DRC3: variants seen among roughly 807,000 people sequenced by gnomAD.
DRC3 encodes the protein leucine rich repeat containing 48.
A neutral mutation model predicts 57.6 loss-of-function variants in DRC3; 45 were observed. That is an observed-to-expected ratio of 0.78 (90% CI 0.62 to 1.00). The LOEUF (loss-of-function observed/expected upper bound fraction) is 1.00, where lower values mean the gene tolerates loss of function less well. Ranked by LOEUF, DRC3 falls within the 50% of genes least tolerant of loss-of-function variation. The pLI is 0.00. For missense variants in DRC3, 655 were observed against 675.2 expected (o/e 0.97, Z 0.33); for synonymous variants, 257 against 272.3 (o/e 0.94, Z 0.55).
At chr17:17,997,812 G>A (rs952012964) in intron 9 of DRC3, among the ~76,000 whole-genome samples, 178 bp downstream of exon 9, 4 of 152,050 alleles carry the variant, frequency 2.6e-5, no homozygotes, top group Non-Finnish European at 4.4e-5. Context: ...GCCAAGGCCC[G>A]CCTTACACCA....
At chr17:17,995,939 C>T (rs2043439735) in intron 8 of DRC3, among the ~76,000 whole-genome samples, 2 of 152,230 alleles carry the variant, frequency 1.3e-5, no homozygotes, top group Admixed American at 6.5e-5. Context: ...GAGACCCTAT[C>T]TGTATTAGTC....
At chr17:17,982,364 C>T (rs1480917595) in intron 3 of DRC3, among the ~76,000 whole-genome samples, 5 of 150,288 alleles carry the variant, frequency 3.3e-5, no homozygotes, top group Non-Finnish European at 4.4e-5. Context: ...TACAGGTGCC[C>T]GCCACCACGC....
chr17:18,012,513 C>T (rs2044204519), intron 12 of DRC3, among the ~76,000 whole-genome samples: 1 of 152,098 alleles, frequency 6.6e-6, no homozygotes, highest in African/African-American at 2.4e-5. Context: ...AGACCCACCT[C>T]TCTATAAAAA....
intron 3 of DRC3, among the ~76,000 whole-genome samples, chr17:17,979,978 T>C (rs540537573): frequency 7.0e-6 from 1 of 142,948 alleles, no homozygotes; most frequent in Non-Finnish European, 1.5e-5. Context: ...GAACCCAGGA[T>C]AGGTGCAAGG....
intron 8 of DRC3, 50 bp downstream of exon 8, chr17:17,995,161 C>CT (rs1568498698): frequency 7.3e-7 from 1 of 1,361,716 alleles, no homozygotes; most frequent in Non-Finnish European, 1.0e-6. Flanking sequence ...ACCAGCCTGC[C>CT]TTGGCAAGGC....
chr17:17,976,390 C>T lies in DRC3; in HGVS notation c.-17-1192C>T, dbSNP rs1015647960. ...CCCTCTGGACCATTAGCAACAGAAT[C>T]TACTGGAGGCTGGGCACGGTGGCTC... On this transcript the variant is annotated intron_variant, in intron 2 of 13. Transcript: ENST00000399187. 3.3e-5 allele frequency among the ~76,000 whole-genome samples: 5 copies of T among 152,144 alleles called. No homozygotes were observed. The South Asian group carries it at 8.3e-4, about 25-fold the overall frequency.
intron 8 of DRC3, chr17:17,995,492 C>G (rs763186411): frequency 5.4e-6 from 1 of 186,354 alleles, no homozygotes; most frequent in South Asian, 1.1e-4. Flanking sequence ...CAGGTACCAT[C>G]ATTAACCCCA....
intron 12 of DRC3, 64 bp from the exon 13 acceptor site, chr17:18,016,000 A>G: frequency 6.3e-7 from 1 of 1,577,382 alleles, no homozygotes; most frequent in Non-Finnish European, 8.7e-7. Flanking sequence ...TTCTCTGTTC[A>G]GCTCCCTTTG....
intron 9 of DRC3, among the ~76,000 whole-genome samples, chr17:18,003,396 A>G (rs1417007703): frequency 6.9e-6 from 1 of 145,596 alleles, no homozygotes; most frequent in Non-Finnish European, 1.5e-5. Context: ...TGAGGCAGAG[A>G]ATTGCTTGAA....
At chr17:18,006,459 T>C in intron 11 of DRC3, 2 of 593,244 alleles carry the variant, frequency 3.4e-6, no homozygotes, top group Non-Finnish European at 6.0e-6. Flanking sequence ...ATGATTGTTC[T>C]CATATGAGTG....
chr17:17,994,443 C>T (rs1279975515), intron 7 of DRC3, 25 bp downstream of exon 7: 1 of 1,548,846 alleles, frequency 6.5e-7, no homozygotes, highest in Non-Finnish European at 8.7e-7. Context: ...GGCTGCACGC[C>T]CTCGGCCCCC....
At chr17:18,004,644 G>A in intron 10 of DRC3, 150 bp downstream of exon 10, 1 of 766,300 alleles carries the variant, frequency 1.3e-6, no homozygotes, top group East Asian at 2.7e-5. Context: ...CATCAGTCCT[G>A]TTTGCTTTTA....
At chr17:18,010,014 G>C (rs1397043256) in intron 12 of DRC3, among the ~76,000 whole-genome samples, 1 of 152,232 alleles carries the variant, frequency 6.6e-6, no homozygotes, top group Non-Finnish European at 1.5e-5. Context: ...CAGAGGTGCT[G>C]CCTGGCTGCT....
intron 3 of DRC3, among the ~76,000 whole-genome samples, chr17:17,982,220 T>C (rs1451309428): frequency 6.8e-6 from 1 of 146,214 alleles, no homozygotes; most frequent in Middle Eastern, 3.3e-3. Context: ...CTCCATCTCT[T>C]TTTTTTTTTT....
chr17:17,984,612 C>T (rs1320563836), intron 4 of DRC3, among the ~76,000 whole-genome samples: 2 of 152,134 alleles, frequency 1.3e-5, no homozygotes, highest in East Asian at 3.9e-4. Context: ...GTTTAACCCC[C>T]ATTTTAATCC....
intron 5 of DRC3, chr17:17,988,501 C>A: frequency 5.8e-6 from 1 of 172,134 alleles, no homozygotes; most frequent in South Asian, 1.4e-4. Flanking sequence ...GACAAGAAGC[C>A]GGTGTCCTGA....
intron 12 of DRC3, among the ~76,000 whole-genome samples, chr17:18,009,179 T>C (rs1427532350): frequency 6.6e-6 from 1 of 152,222 alleles, no homozygotes; most frequent in Non-Finnish European, 1.5e-5. Context: ...TTTGAAAGGC[T>C]GAGGTGGAAG....
chr17:17,977,089 G>C (rs527707453), intron 2 of DRC3, among the ~76,000 whole-genome samples: 1 of 152,320 alleles, frequency 6.6e-6, no homozygotes, highest in South Asian at 2.1e-4. Context: ...AGAAGCTTGT[G>C]GTGTGGTGTG....
chr17:17,998,184 G>T (rs2043541557), intron 9 of DRC3, among the ~76,000 whole-genome samples: 1 of 152,154 alleles, frequency 6.6e-6, no homozygotes, highest in South Asian at 2.1e-4. Context: ...CCTTGGGGGT[G>T]CCCTAGGGGC....
Sources: allele counts gnomAD v4.1 joint callset (sites outside exome capture counted in the v4.1 genomes callset), GRCh38; gene constraint gnomAD v4.1.1; transcripts MANE v1.5; gene names NCBI Gene and HGNC (gene_info 2026-07-23, HGNC 2026-07-21).